MCMDC2: variants seen among roughly 807,000 people sequenced by gnomAD.
The protein encoded by MCMDC2 is minichromosome maintenance domain containing 2.
In MCMDC2, 54 loss-of-function variants were observed where a neutral mutation model predicts 75.8. The observed-to-expected ratio is 0.71, with a 90% CI of 0.57 to 0.89. The LOEUF (loss-of-function observed/expected upper bound fraction) is 0.89. MCMDC2 is among the 40% of genes least tolerant of loss of function. The pLI, the probability that MCMDC2 is intolerant of heterozygous loss-of-function variation, is 0.00. For missense variants in MCMDC2, 656 were observed against 780.4 expected, an observed-to-expected ratio of 0.84 and a Z score of 1.90; for synonymous variants, 249 against 274.6, an observed-to-expected ratio of 0.91 and a Z score of 0.92.
chr8:66,896,724 A>C, intron 11 of MCMDC2, 56 bp from the exon 12 acceptor site: 2 of 1,303,988 alleles, frequency 1.5e-6, no homozygotes, highest in Middle Eastern at 1.9e-4. Context: ...AATTATTTCC[A>C]AATTGTGAAA....
At chr8:66,892,117 T>C (rs1812136599) in intron 10 of MCMDC2, among the ~76,000 whole-genome samples, 1 of 152,200 alleles carries the variant, frequency 6.6e-6, no homozygotes, top group Admixed American at 6.5e-5. Context: ...GCTCCTGGGC[T>C]GGCCCAGCCC....
intron 14 of MCMDC2, among the ~76,000 whole-genome samples, chr8:66,914,329 T>C (rs918116793): frequency 1.5e-5 from 2 of 134,640 alleles, no homozygotes; most frequent in African/African-American, 5.5e-5. Context: ...GAATATATAA[T>C]ACAAATTGAG....
Position 66,891,039 on chromosome 8 carries a change from C to A in MCMDC2, c.1248C>A (p.His416Gln). ...GCTTTATAGGAGACTTGGCTTCACA[C>A]AAAAAAGATAAACTTGAACAGCTTC... ...GICFIGDLAS[H>Q]KKDKLEQLQT... Residue 416 changes from histidine to glutamine, a missense_variant, in exon 10 of 15, where the codon CAC becomes CAA. Transcript: ENST00000422365. 6.3e-7 allele frequency: 1 copy of A among 1,589,620 alleles called. No homozygotes were observed. The highest frequency in any genetic ancestry group is 1.2e-5 in the South Asian group (1 of 85,708).
At chr8:66,903,120 C>CA (rs75252833) in intron 13 of MCMDC2, among the ~76,000 whole-genome samples, 19,669 of 116,984 alleles carry the variant, frequency 0.17, 1,442 homozygotes, top group East Asian at 0.29. Context: ...GAAACTGTCT[C>CA]AAAAAAAAAA....
chr8:66,878,712 A>G lies in MCMDC2; in HGVS notation c.604+16A>G, dbSNP rs756059698. The stretch of plus-strand genomic sequence containing the variant: ...GTACTTGGTGGTAATATGCATTTAT[A>G]TTTTGTAATTATAATTTTTAAAATA... On this transcript the variant is annotated intron_variant, in intron 6 of 14. Coordinates refer to ENST00000422365, the MANE Select transcript of MCMDC2 (RefSeq NM_173518.5). 3.9e-6 allele frequency: 6 copies of G among 1,536,834 alleles called. No homozygotes were observed. In the East Asian group the frequency reaches 6.9e-5, roughly 18 times the overall value.
chr8:66,892,537 C>T (rs1415991298), intron 10 of MCMDC2, among the ~76,000 whole-genome samples: 1 of 152,182 alleles, frequency 6.6e-6, no homozygotes. Flanking sequence ...GCTCGTACCC[C>T]CAGGCGGGTA....
chr8:66,924,824 G>C (rs939297975), downstream of MCMDC2, among the ~76,000 whole-genome samples: 7 of 152,048 alleles, frequency 4.6e-5, no homozygotes, highest in African/African-American at 1.7e-4. Context: ...TCCATGCCTT[G>C]ACTTTAGCGC....
chr8:66,910,643 C>T (rs531694273), intron 14 of MCMDC2, among the ~76,000 whole-genome samples: 12 of 152,262 alleles, frequency 7.9e-5, no homozygotes, highest in Admixed American at 4.6e-4. Context: ...AACTCTGTCT[C>T]TACTAAAAAT....
chr8:66,907,726 C>A (rs1301631040), intron 14 of MCMDC2, among the ~76,000 whole-genome samples: 1 of 152,212 alleles, frequency 6.6e-6, no homozygotes, highest in East Asian at 1.9e-4. Context: ...CACGGCCTCA[C>A]CAGCATCTGT....
rs1338924285 is a variant in MCMDC2 at position 66,874,313 on chromosome 8, TA to T, written c.95-12del. 6.2e-7 allele frequency: 1 copy of T among 1,607,054 alleles called. No individual in the cohort carries two copies. Among genetic ancestry groups the T allele is most frequent in the Non-Finnish European group, 8.5e-7 (1 of 1,178,082 alleles). ...ATAGCTATCCTGACTTTTACATTTG[TA>T]TATTTTCATAGATTCAAAACAAAGC... On this transcript the variant is annotated splice_polypyrimidine_tract_variant and intron_variant, in intron 2 of 14. Coordinates refer to ENST00000422365, the MANE Select transcript of MCMDC2 (RefSeq NM_173518.5).
Position 66,919,230 on chromosome 8 carries a change from T to G in MCMDC2, c.*61T>G. On this transcript the variant is annotated 3_prime_UTR_variant, in exon 15 of 15. Transcript: ENST00000422365. ...CAGTGGAGAAAAAGTGTGACTATTT[T>G]GAGAGTGACTTTGAAGTAATGCTTT... The G allele has an allele frequency of 7.6e-7, 1 of 1,319,908 alleles. No individual in the cohort carries two copies. Among genetic ancestry groups the G allele is most frequent in the South Asian group, 1.5e-5 (1 of 68,536 alleles). The allele number at this position is 1,319,908 out of a possible 1,614,324, so 81.8% of individuals were successfully genotyped here. A position where few individuals can be genotyped will look rare whatever the true frequency, so the allele number is the denominator to read the frequency against.
chr8:66,918,667 A>G (rs1432580495), intron 14 of MCMDC2, among the ~76,000 whole-genome samples: 1 of 152,172 alleles, frequency 6.6e-6, no homozygotes, highest in Non-Finnish European at 1.5e-5. Flanking sequence ...TCAAAACTAT[A>G]ATGACTATTT....
At chr8:66,873,143 C>A (rs1811106506) in intron 1 of MCMDC2, among the ~76,000 whole-genome samples, 2 of 152,188 alleles carry the variant, frequency 1.3e-5, no homozygotes, top group Non-Finnish European at 2.9e-5. Context: ...TATATTGTTT[C>A]CAATTAGTAT....
intron 14 of MCMDC2, 136 bp from the exon 15 acceptor site, chr8:66,918,867 T>C (rs1813418372): frequency 2.7e-6 from 2 of 731,460 alleles, no homozygotes; most frequent in African/African-American, 3.7e-5. Context: ...TTTTTGACTT[T>C]TATTTTTCAC....
At chr8:66,871,801 G>A (rs1433682403) in intron 1 of MCMDC2, among the ~76,000 whole-genome samples, 1 of 151,850 alleles carries the variant, frequency 6.6e-6, no homozygotes, top group Non-Finnish European at 1.5e-5. Flanking sequence ...GTCCCAGGCT[G>A]AGAAGGGAGG....
chr8:66,878,573 G>A lies in MCMDC2; in HGVS notation c.482-1G>A. 1 of 1,570,350 alleles carries A rather than the reference G, an allele frequency of 6.4e-7. No individual in the cohort carries two copies. Among genetic ancestry groups the A allele is most frequent in the Non-Finnish European group, 8.6e-7 (1 of 1,163,158 alleles). ...TGTATGTTACCACTGTTTTCTTTCA[G>A]GATTTCAGTATATAAGAGTGCATGT... On this transcript the variant is annotated splice_acceptor_variant, in intron 5 of 14. Transcript: ENST00000422365. LOFTEE classifies it high-confidence loss of function.
chr8:66,896,690 A>G (rs1355691989), intron 11 of MCMDC2, 90 bp from the exon 12 acceptor site: 26 of 907,916 alleles, frequency 2.9e-5, no homozygotes. Context: ...AATAATAACA[A>G]CATATAATAA....
In MCMDC2 at chr8:66,918,027, A is replaced by G. The variant is rs114872204; in HGVS notation, c.1880-976A>G. The stretch of plus-strand genomic sequence containing the variant: ...CCATTTTCCATTCCCAACAGTGCAC[A>G]AAGCTTCTAATTTCTCCACATCCTC... On this transcript the variant is annotated intron_variant, in intron 14 of 14. Coordinates refer to ENST00000422365, the MANE Select transcript of MCMDC2 (RefSeq NM_173518.5). Among the ~76,000 whole-genome samples, 1,252 of 152,334 alleles carry G rather than the reference A, an allele frequency of 8.2e-3. 14 individuals carry two copies. Among genetic ancestry groups the G allele is most frequent in the African/African-American group, 0.028 (1,179 of 41,574 alleles).
At chr8:66,896,081 A>G (rs1264271606) in intron 10 of MCMDC2, 89 bp from the exon 11 acceptor site, 2 of 1,173,090 alleles carry the variant, frequency 1.7e-6, no homozygotes, top group Non-Finnish European at 1.2e-6. Flanking sequence ...TCTACACAGT[A>G]TAATTATATA....
Sources: gnomAD v4.1 joint callset for allele counts (sites outside exome capture counted in the v4.1 genomes callset) on GRCh38, gnomAD v4.1.1 for gene constraint, MANE v1.5 for transcripts, NCBI Gene and HGNC (gene_info 2026-07-23, HGNC 2026-07-21) for gene names.